The following CBLN2 variants were observed in gnomAD, a reference collection of about 807,000 sequenced individuals.
CBLN2 encodes the protein cerebellin-2.
In CBLN2, 7 loss-of-function variants were observed where a neutral mutation model predicts 15.0. The ratio of observed to expected loss-of-function variants is 0.47; its 90% CI spans 0.27 to 0.88. The LOEUF (loss-of-function observed/expected upper bound fraction) is 0.88, where lower values mean the gene tolerates loss of function less well. Ranked by LOEUF, CBLN2 falls within the 40% of genes least tolerant of loss-of-function variation. CBLN2 has a pLI of 0.14. For missense variants in CBLN2, 242 were observed against 304.5 expected, an observed-to-expected ratio of 0.79 and a Z score of 1.53; for synonymous variants, 149 against 135.2, an observed-to-expected ratio of 1.10 and a Z score of -0.71.
rs1303336965 is a variant in CBLN2 at position 72,560,619 on chromosome 18, AAT to A, written c.16-21849_16-21848del. Among the ~76,000 whole-genome samples, 11 of 152,192 alleles carry A rather than the reference AAT, an allele frequency of 7.2e-5. No homozygotes were observed. The East Asian group carries it at 2.1e-3, about 29-fold the overall frequency. On this transcript the variant is annotated intron_variant, in intron 1 of 2. Transcript: ENST00000581073. ...AGACCGCATGGCCTGCAAAGCCTAA[AAT>A]AGTTACTCTCTGGTCTTTTATAGAA...
intron 1 of CBLN2, among the ~76,000 whole-genome samples, chr18:72,550,061 T>G (rs1369497842): frequency 6.6e-6 from 1 of 152,190 alleles, no homozygotes; most frequent in African/African-American, 2.4e-5. Flanking sequence ...TTCTCCTGGT[T>G]GTAATATCAA....
At chr18:72,599,194 A>T (rs1407012821) in intron 1 of CBLN2, among the ~76,000 whole-genome samples, 1 of 152,234 alleles carries the variant, frequency 6.6e-6, no homozygotes, top group Non-Finnish European at 1.5e-5. Flanking sequence ...TTTCTGTGGT[A>T]ACACTGTGAA....
At chr18:72,630,541 T>C (rs369889796) in intron 1 of CBLN2, among the ~76,000 whole-genome samples, 247 of 86,526 alleles carry the variant, frequency 2.9e-3, no homozygotes, top group African/African-American at 0.013. Context: ...CTCACAACCC[T>C]CCCCCCCACA....
chr18:72,580,572 A>C (rs1008054165), intron 1 of CBLN2, among the ~76,000 whole-genome samples: 37 of 152,170 alleles, frequency 2.4e-4, no homozygotes, highest in African/African-American at 8.7e-4. Flanking sequence ...ATTTCATAGA[A>C]TTGGAATCAC....
At chr18:72,604,936 G>T (rs952809270) in intron 1 of CBLN2, among the ~76,000 whole-genome samples, 2 of 152,196 alleles carry the variant, frequency 1.3e-5, no homozygotes, top group African/African-American at 4.8e-5. Flanking sequence ...AGGAGGAATG[G>T]CAAGCATGTA....
chr18:72,591,286 G>A (rs936055577), intron 1 of CBLN2, among the ~76,000 whole-genome samples: 1 of 151,760 alleles, frequency 6.6e-6, no homozygotes, highest in African/African-American at 2.4e-5. Flanking sequence ...AAGAATAAAG[G>A]GTAAAAAGGA....
At chr18:72,571,304 T>A (rs2069330868) in intron 1 of CBLN2, among the ~76,000 whole-genome samples, 1 of 151,852 alleles carries the variant, frequency 6.6e-6, no homozygotes. Flanking sequence ...TAAACGAGAG[T>A]GCAAAGTGAT....
At chr18:72,615,229 T>C (rs1204965473) in intron 1 of CBLN2, among the ~76,000 whole-genome samples, 1 of 138,264 alleles carries the variant, frequency 7.2e-6, no homozygotes, top group Non-Finnish European at 1.5e-5. Context: ...TATGTACATA[T>C]ATATTATATA....
intron 1 of CBLN2, among the ~76,000 whole-genome samples, chr18:72,610,908 G>C (rs1045780942): frequency 1.3e-5 from 2 of 152,050 alleles, no homozygotes; most frequent in African/African-American, 4.8e-5. Context: ...TCCACCTCTA[G>C]TAATCCCCAG....
intron 1 of CBLN2, among the ~76,000 whole-genome samples, chr18:72,556,863 A>T (rs754628445): frequency 1.3e-5 from 2 of 152,160 alleles, no homozygotes; most frequent in Non-Finnish European, 2.9e-5. Flanking sequence ...GTCAGGAAAA[A>T]AAAACTCTTA....
intron 1 of CBLN2, among the ~76,000 whole-genome samples, chr18:72,574,827 C>T (rs1260775869): frequency 2.6e-5 from 4 of 152,136 alleles, no homozygotes; most frequent in Non-Finnish European, 4.4e-5. Context: ...CCATGAATCG[C>T]TAACGACACT....
At chr18:72,567,541 C>T (rs776837648) in intron 1 of CBLN2, among the ~76,000 whole-genome samples, 7 of 152,180 alleles carry the variant, frequency 4.6e-5, no homozygotes, top group Admixed American at 2.0e-4. Context: ...CTCACACAAA[C>T]GCACATGAAA....
chr18:72,591,946 G>A (rs1034525032), intron 1 of CBLN2, among the ~76,000 whole-genome samples: 6 of 152,088 alleles, frequency 3.9e-5, no homozygotes, highest in Admixed American at 1.3e-4. Context: ...TGTGAATAGT[G>A]CTGCAATAAA....
chr18:72,588,327 T>C (rs547697795), intron 1 of CBLN2, among the ~76,000 whole-genome samples: 4 of 152,362 alleles, frequency 2.6e-5, no homozygotes, highest in African/African-American at 9.6e-5. Context: ...ATCTAAATGT[T>C]TTGAATGAAC....
chr18:72,547,548 A>AT (rs1479190556), upstream of CBLN2, among the ~76,000 whole-genome samples: 1 of 151,956 alleles, frequency 6.6e-6, no homozygotes, highest in East Asian at 1.9e-4. Context: ...ATTTTTATTT[A>AT]TTTTTTTCTT....
At chr18:72,617,238 A>C (rs564862160) in intron 1 of CBLN2, among the ~76,000 whole-genome samples, 2 of 152,288 alleles carry the variant, frequency 1.3e-5, no homozygotes, top group South Asian at 4.1e-4. Flanking sequence ...GTAATCTCTA[A>C]ATTACCAATG....
At chr18:72,605,494 A>G (rs2069577477) in intron 1 of CBLN2, among the ~76,000 whole-genome samples, 1 of 152,256 alleles carries the variant, frequency 6.6e-6, no homozygotes, top group Non-Finnish European at 1.5e-5. Context: ...ATAAAGTAAC[A>G]AATTTTTATT....
chr18:72,594,305 A>C (rs2069499255), intron 1 of CBLN2, among the ~76,000 whole-genome samples: 1 of 152,168 alleles, frequency 6.6e-6, no homozygotes, highest in South Asian at 2.1e-4. Context: ...GCATGTGTCA[A>C]ATCATACCTG....
rs1232753158 is a variant in CBLN2 at position 72,542,198 on chromosome 18, G to C, written c.-38C>G. The C allele has an allele frequency of 4.2e-6, 5 of 1,180,608 alleles. No homozygotes were observed. The highest frequency in any genetic ancestry group is 5.2e-6 in the Non-Finnish European group (5 of 955,626). The allele number at this position is 1,180,608 out of a possible 1,614,324, so 73.1% of individuals were successfully genotyped here. On this transcript the variant is annotated 5_prime_UTR_variant, in exon 3 of 5. Coordinates refer to ENST00000269503, the MANE Select transcript of CBLN2 (RefSeq NM_182511.4). The stretch of plus-strand genomic sequence containing the variant: ...GAGGCGGCGCGCGGGGGTGGAGGCC[G>C]GCGCCGGCGCGAGCGGCGCGGAAGG...
Sources: gnomAD v4.1 joint callset for allele counts (sites outside exome capture counted in the v4.1 genomes callset) on GRCh38, gnomAD v4.1.1 for gene constraint, MANE v1.5 for transcripts, NCBI Gene and HGNC (gene_info 2026-07-23, HGNC 2026-07-21) for gene names.